The following SLC25A31 variants were observed in gnomAD, a reference collection of about 807,000 sequenced individuals.
SLC25A31 encodes the protein ADP/ATP translocase 4.
SLC25A31 carries 40 observed loss-of-function variants against 36.2 expected under a neutral mutation model. The observed-to-expected ratio is 1.10, with a 90% CI of 0.86 to 1.44. The LOEUF is 1.44. Ranked by LOEUF, SLC25A31 falls within the 40% of genes most tolerant of loss-of-function variation. The probability of loss-of-function intolerance (pLI) is 0.00; values close to 1 mark genes in which losing one functional copy is unlikely to be tolerated. For synonymous variants in SLC25A31, 143 were observed against 149.7 expected (o/e 0.96, Z 0.32); for missense variants, 350 against 397.1 (o/e 0.88, Z 1.01).
At chr4:127,737,954 TATCTC>T (rs5861838) in intron 1 of SLC25A31, among the ~76,000 whole-genome samples, 91,688 of 151,438 alleles carry the variant, frequency 0.61, 28,147 homozygotes, top group Middle Eastern at 0.78. Context: ...AAACCCATAA[TATCTC>T]ATACCAGTCA....
chr4:127,768,319 G>A (rs1464374550), intron 4 of SLC25A31, among the ~76,000 whole-genome samples: 1 of 151,926 alleles, frequency 6.6e-6, no homozygotes. Flanking sequence ...TGTGTACTCT[G>A]TCTCTAGTTT....
At position 127,742,282 on chromosome 4, in the gene SLC25A31, TTC is replaced by T. The variant is rs1234966052; in HGVS notation, c.233-2389_233-2388del. Among the ~76,000 whole-genome samples the T allele has an allele frequency of 2.0e-5, 3 of 152,268 alleles. No individual in the cohort carries two copies. In the East Asian group the frequency reaches 5.8e-4, roughly 29 times the overall value. ...GAAACTCGTATTTGTCATATCTGAGTTCCTTTCTCAGGAAACCAACCTTTGGG... is the reference window on the plus strand; with the variant it reads ...GAAACTCGTATTTGTCATATCTGAGTCTTTCTCAGGAAACCAACCTTTGGG... On this transcript the variant is annotated intron_variant, in intron 1 of 5. Coordinates refer to ENST00000281154, the MANE Select transcript of SLC25A31 (RefSeq NM_031291.4).
At position 127,730,426 on chromosome 4, in the gene SLC25A31, C is replaced by T; in HGVS notation, c.-120C>T. The T allele has an allele frequency of 1.8e-6, 2 of 1,125,854 alleles. No homozygotes were observed. The highest frequency in any genetic ancestry group is 3.1e-5 in the South Asian group (2 of 64,268). The allele number at this position is 1,125,854 out of a possible 1,614,324, so 69.7% of individuals were successfully genotyped here. ...CCGGCGCGCGGCTCTCTCAGCGTCC[C>T]AAGAGCCACTTTCTCGCCAGTACGA... On this transcript the variant is annotated 5_prime_UTR_variant, in exon 1 of 6. Coordinates refer to ENST00000281154, the MANE Select transcript of SLC25A31 (RefSeq NM_031291.4).
At position 127,767,209 on chromosome 4, in the gene SLC25A31, GAC is replaced by G. The variant is rs1185002360; in HGVS notation, c.626_627del (p.Thr209SerfsTer2). ...VYRASYFGAY[D>X]TVKGLLPKPK... is the part of the protein sequence containing the mutation. ...CCGAGCCTCTTATTTTGGAGCTTAT[GAC>G]ACAGTTAAGGTAATCTGGGGGCTTT... On this transcript the variant is annotated frameshift_variant, in exon 4 of 6. Transcript: ENST00000281154. LOFTEE classifies it high-confidence loss of function. 1.3e-6 allele frequency: 2 copies of G among 1,596,652 alleles called. No homozygotes were observed. Among genetic ancestry groups the G allele is most frequent in the Admixed American group, 1.7e-5 (1 of 57,832 alleles).
chr4:127,773,362 A>G (rs751835085), intron 5 of SLC25A31, 24 bp from the exon 6 acceptor site: 3 of 1,586,578 alleles, frequency 1.9e-6, no homozygotes, highest in Non-Finnish European at 2.6e-6. Flanking sequence ...GATAATGGAA[A>G]ACCCTTTGTT....
rs948061128 is a variant in SLC25A31 at position 127,769,624 on chromosome 4, A to G, written c.759+747A>G. On this transcript the variant is annotated intron_variant, in intron 5 of 5. Coordinates refer to ENST00000281154, the MANE Select transcript of SLC25A31 (RefSeq NM_031291.4). ...AATATTTGCATGCTTCATCTATGCT[A>G]AGCTCTGGTGACAGAAAAAGACAAA... Among the ~76,000 whole-genome samples, 23 of 152,248 alleles carry G rather than the reference A, an allele frequency of 1.5e-4. 1 individual carries two copies. The highest frequency in any genetic ancestry group is 1.4e-3 in the Admixed American group (22 of 15,288).
intron 2 of SLC25A31, among the ~76,000 whole-genome samples, chr4:127,753,751 C>A (rs1438212808): frequency 2.0e-5 from 3 of 152,126 alleles, no homozygotes; most frequent in African/African-American, 7.2e-5. Flanking sequence ...GAACTAATAC[C>A]AGTCCTCCTC....
In SLC25A31 at chr4:127,730,589, T is replaced by C. The variant is rs746829831; in HGVS notation, c.44T>C (p.Phe15Ser). 1.2e-6 allele frequency: 2 copies of C among 1,613,976 alleles called. No individual in the cohort carries two copies. Among genetic ancestry groups the C allele is most frequent in the East Asian group, 2.2e-5 (1 of 44,890 alleles). The change falls in exon 1 of 6, where the codon TTT (phenylalanine) becomes TCT (serine). Residue 15 changes from phenylalanine (F) to serine (S), a missense_variant. Coordinates refer to ENST00000281154, the MANE Select transcript of SLC25A31 (RefSeq NM_031291.4). ...AAAAAGAAGGCAGAAAAGCGGCTGT[T>C]TGACGCCTCATCCTTCGGGAAGGAC... is the stretch of plus-strand genomic sequence containing the variant. The part of the protein sequence containing the change: ...PAKKKAEKRL[F>S]DASSFGKDLL...
At chr4:127,734,914 A>G (rs759491881) in intron 1 of SLC25A31, among the ~76,000 whole-genome samples, 2 of 152,184 alleles carry the variant, frequency 1.3e-5, no homozygotes, top group Non-Finnish European at 2.9e-5. Flanking sequence ...TGAAAAAAAG[A>G]GTGGGAGTTA....
chr4:127,730,598 C>T lies in SLC25A31; in HGVS notation c.53C>T (p.Ser18Leu). 1 of 1,614,096 alleles carries T rather than the reference C, an allele frequency of 6.2e-7. No homozygotes were observed. The highest frequency in any genetic ancestry group is 8.5e-7 in the Non-Finnish European group (1 of 1,179,954). The change falls in exon 1 of 6, where the codon TCA (serine) becomes TTA (leucine). Residue 18 changes from serine (S) to leucine (L), a missense_variant. Transcript: ENST00000281154. ...KKAEKRLFDA[S>L]SFGKDLLAGG... Reference sequence around the variant, plus strand: ...GCAGAAAAGCGGCTGTTTGACGCCTCATCCTTCGGGAAGGACCTTCTGGCC... The same window carrying T: ...GCAGAAAAGCGGCTGTTTGACGCCTTATCCTTCGGGAAGGACCTTCTGGCC...
intron 1 of SLC25A31, among the ~76,000 whole-genome samples, chr4:127,739,043 T>G (rs908925186): frequency 1.3e-5 from 2 of 152,184 alleles, no homozygotes; most frequent in Non-Finnish European, 2.9e-5. Context: ...TGCATCTTGT[T>G]TTTTATCCAA....
intron 2 of SLC25A31, among the ~76,000 whole-genome samples, chr4:127,758,997 A>C (rs1487183514): frequency 1.3e-5 from 2 of 152,092 alleles, no homozygotes; most frequent in Non-Finnish European, 2.9e-5. Context: ...GCTTTTTTCT[A>C]ATTCTTTGAC....
chr4:127,767,260 G>C (rs1340158234), intron 4 of SLC25A31, 40 bp downstream of exon 4: 2 of 1,393,432 alleles, frequency 1.4e-6, no homozygotes, highest in South Asian at 3.7e-5. Flanking sequence ...TAAATATATG[G>C]TTTCCATTTA....
intron 2 of SLC25A31, among the ~76,000 whole-genome samples, chr4:127,762,334 T>C (rs992440496): frequency 1.3e-5 from 2 of 152,204 alleles, no homozygotes; most frequent in Non-Finnish European, 2.9e-5. Flanking sequence ...AAAAAGAGTG[T>C]GTCTTATGTG....
chr4:127,753,952 A>G (rs1328173220), intron 2 of SLC25A31, among the ~76,000 whole-genome samples: 1 of 152,172 alleles, frequency 6.6e-6, no homozygotes, highest in African/African-American at 2.4e-5. Flanking sequence ...TGCACATTAA[A>G]AGGATTATTT....
chr4:127,752,630 C>A (rs1005397858), intron 2 of SLC25A31, among the ~76,000 whole-genome samples: 2 of 150,762 alleles, frequency 1.3e-5, no homozygotes, highest in Admixed American at 6.6e-5. Flanking sequence ...GCTATACTTA[C>A]ATCATACAAA....
intron 1 of SLC25A31, among the ~76,000 whole-genome samples, chr4:127,741,876 A>G (rs1731738445): frequency 2.0e-5 from 3 of 152,112 alleles, no homozygotes. Flanking sequence ...GTTTCTAGAA[A>G]TTTATCAATT....
Position 127,767,194 on chromosome 4 carries a change from T to A in SLC25A31, c.607T>A (p.Tyr203Asn), listed in dbSNP as rs767701087. The A allele has an allele frequency of 6.2e-7, 1 of 1,604,860 alleles. No homozygotes were observed. The highest frequency in any genetic ancestry group is 8.5e-7 in the Non-Finnish European group (1 of 1,175,552). Reference protein sequence around the residue: ...VQGIIVYRASYFGAYDTVKGL... With the variant: ...VQGIIVYRASNFGAYDTVKGL... ...GGGCATCATTGTGTACCGAGCCTCT[T>A]ATTTTGGAGCTTATGACACAGTTAA... The change falls in exon 4 of 6, where the codon TAT (tyrosine) becomes AAT (asparagine). Residue 203 changes from tyrosine to asparagine, a missense_variant. Transcript: ENST00000281154.
chr4:127,750,442 A>G (rs1362131274), intron 2 of SLC25A31, among the ~76,000 whole-genome samples: 1 of 152,234 alleles, frequency 6.6e-6, no homozygotes, highest in Non-Finnish European at 1.5e-5. Context: ...AACTCATGGT[A>G]AAGTCAAAAA....
Sources: gnomAD v4.1 joint callset for allele counts (sites outside exome capture counted in the v4.1 genomes callset) on GRCh38, gnomAD v4.1.1 for gene constraint, MANE v1.5 for transcripts, NCBI Gene and HGNC (gene_info 2026-07-23, HGNC 2026-07-21) for gene names.